Variants in KAT2A observed in about 807,000 individuals in gnomAD.
KAT2A encodes the protein lysine acetyltransferase 2A, also known as histone acetyltransferase KAT2A.
A neutral mutation model predicts 95.2 loss-of-function variants in KAT2A; 42 were observed. That is an observed-to-expected ratio of 0.44 (90% CI 0.34 to 0.57). The LOEUF is 0.57. Among genes scored for constraint, KAT2A ranks in the 20% least tolerant of loss-of-function variants. The pLI, the probability that KAT2A is intolerant of heterozygous loss-of-function variation, is 0.01. For synonymous variants in KAT2A, 449 were observed against 448.2 expected, an observed-to-expected ratio of 1.00 and a Z score of -0.02; for missense variants, 784 against 1,126.3, an observed-to-expected ratio of 0.70 and a Z score of 4.35.
At chr17:42,116,017 C>T (rs1259219380) in intron 11 of KAT2A, among the ~76,000 whole-genome samples, 184 bp from the exon 12 acceptor site, 3 of 152,162 alleles carry the variant, frequency 2.0e-5, no homozygotes, top group South Asian at 2.1e-4. Context: ...GTGAAGGGTG[C>T]GGGCTTTCTA....
Position 42,119,711 on chromosome 17 carries a change from A to C in KAT2A, c.707T>G (p.Leu236Arg). The change falls in exon 5 of 18, where the codon CTG becomes CGG. Residue 236 changes from leucine to arginine, a missense_variant. Transcript: ENST00000225916. This position sits in a 1 kb window ranked among gnomAD's most constrained non-coding sequence, Gnocchi z 5.3. ...ACTAAACTTGTACTGCACAAAGTTC[A>C]GCACACCCTGAGAAGGGGTGGGTGG... ...FEKPNIEQGV[L>R]NFVQYKFSHL... 1 of 1,604,110 alleles carries C rather than the reference A, an allele frequency of 6.2e-7. No homozygotes were observed. Among genetic ancestry groups the C allele is most frequent in the Non-Finnish European group, 8.5e-7 (1 of 1,174,668 alleles).
chr17:42,117,646 C>A lies in KAT2A; in HGVS notation c.1428+32G>T, dbSNP rs781829541. On this transcript the variant is annotated intron_variant, in intron 9 of 17. Coordinates refer to ENST00000225916, the MANE Select transcript of KAT2A (RefSeq NM_021078.3). This position sits in a 1 kb window ranked among gnomAD's most constrained non-coding sequence, Gnocchi z 8.9. ...GCCGGGGTCTCAGGTTGGTGGGGGT[C>A]CCCCAACTGGTCAGCAGGTCGGGCT... is the stretch of plus-strand genomic sequence containing the variant. 5 of 1,605,398 alleles carry A rather than the reference C, an allele frequency of 3.1e-6. No homozygotes were observed. Among genetic ancestry groups the A allele is most frequent in the South Asian group, 1.1e-5 (1 of 90,518 alleles).
chr17:42,121,226 T>C lies in KAT2A; in HGVS notation c.79A>G (p.Thr27Ala), dbSNP rs907320499. The C allele has an allele frequency of 1.3e-5, 17 of 1,346,856 alleles. No homozygotes were observed. The highest frequency in any genetic ancestry group is 1.7e-5 in the Non-Finnish European group (17 of 1,022,842). 83.4% of individuals were successfully genotyped at this position (1,346,856 alleles called of 1,614,324 possible). A position where few individuals can be genotyped will look rare whatever the true frequency, so the allele number is the denominator to read the frequency against. ...GCCGGGCTGGGTGCAGGAGTCGGAG[T>C]TGGGGCAGGGGCTGGGGACTGAAGG... ...RPLQSPAPAP[T>A]PTPAPSPASA... Residue 27 changes from threonine (T) to alanine (A), a missense_variant, in exon 1 of 18, where the codon ACT becomes GCT. By Grantham distance (58) the Thr-to-Ala change is moderately conservative (BLOSUM62 0). Transcript: ENST00000225916.
In KAT2A at chr17:42,119,839, C is replaced by T. The variant is rs1261498147; in HGVS notation, c.700-121G>A. ...AAGGTTCTCCTTCTCCTCTCTCTCT[C>T]GGGTGCTCTCTATAGAAAAGCTCTG... is the stretch of plus-strand genomic sequence containing the variant. On this transcript the variant is annotated intron_variant, in intron 4 of 17. Coordinates refer to ENST00000225916, the MANE Select transcript of KAT2A (RefSeq NM_021078.3). The surrounding 1 kb of genome is among the most constrained non-coding windows in gnomAD (Gnocchi z 5.3). The T allele has an allele frequency of 1.1e-5, 11 of 1,006,124 alleles. No homozygotes were observed. Among genetic ancestry groups the T allele is most frequent in the Admixed American group, 7.9e-5 (3 of 37,886 alleles). The allele number at this position is 1,006,124 out of a possible 1,614,324, so 62.3% of individuals were successfully genotyped here. A position where few individuals can be genotyped will look rare whatever the true frequency, so the allele number is the denominator to read the frequency against.
In KAT2A at chr17:42,120,574, A is replaced by AC. The variant is rs113316904; in HGVS notation, c.463+131dup. The AC allele has an allele frequency of 1.1e-3, 1,047 of 912,748 alleles. 2 individuals carry two copies. The highest frequency in any genetic ancestry group is 1.3e-3 in the Middle Eastern group (5 of 3,770). The allele number at this position is 912,748 out of a possible 1,614,324, so 56.5% of individuals were successfully genotyped here. On this transcript the variant is annotated intron_variant, in intron 2 of 17. Coordinates refer to ENST00000225916, the MANE Select transcript of KAT2A (RefSeq NM_021078.3). ...TTTCCTTTCTCCCCCCTTGGTGCACACCCCCCCCCAACCCAATCCCTCCTT... is the reference window on the plus strand; with the variant it reads ...TTTCCTTTCTCCCCCCTTGGTGCACACCCCCCCCCCAACCCAATCCCTCCTT...
Position 42,114,483 on chromosome 17 carries a change from T to C in KAT2A, c.2134+7A>G. On this transcript the variant is annotated splice_region_variant and intron_variant, in intron 14 of 17. Coordinates refer to ENST00000225916, the MANE Select transcript of KAT2A (RefSeq NM_021078.3). The surrounding 1 kb of genome is among the most constrained non-coding windows in gnomAD (Gnocchi z 6.0). ...CCCACTACCCTGCAACTGAGACCCCTGCTTACGAATGCCAGGAACGCTCTC... is the reference window on the plus strand; with the variant it reads ...CCCACTACCCTGCAACTGAGACCCCCGCTTACGAATGCCAGGAACGCTCTC... 1 of 1,613,922 alleles carries C rather than the reference T, an allele frequency of 6.2e-7. No individual in the cohort carries two copies. The highest frequency in any genetic ancestry group is 8.5e-7 in the Non-Finnish European group (1 of 1,179,828).
At position 42,114,352 on chromosome 17, in the gene KAT2A, A is replaced by G; in HGVS notation, c.2171+6T>C. ...CCACCCCCAACCCGGCTCCTTTGAC[A>G]CTCACCCCTTCTCCTTCCCCAATGG... is the stretch of plus-strand genomic sequence containing the variant. On this transcript the variant is annotated splice_donor_region_variant and intron_variant, in intron 15 of 17. Transcript: ENST00000225916. This position sits in a 1 kb window ranked among gnomAD's most constrained non-coding sequence, Gnocchi z 6.0. 4 of 1,613,010 alleles carry G rather than the reference A, an allele frequency of 2.5e-6. No individual in the cohort carries two copies. Among genetic ancestry groups the G allele is most frequent in the Non-Finnish European group, 3.4e-6 (4 of 1,179,704 alleles).
intron 11 of KAT2A, among the ~76,000 whole-genome samples, chr17:42,116,627 C>G (rs1428962951): frequency 6.6e-6 from 1 of 151,962 alleles, no homozygotes; most frequent in African/African-American, 2.4e-5. Flanking sequence ...CTTGGGAGGC[C>G]GAGGCAGGAG....
At chr17:42,120,424 T>C in intron 2 of KAT2A, 54 bp from the exon 3 acceptor site, 1 of 1,585,130 alleles carries the variant, frequency 6.3e-7, no homozygotes, top group Non-Finnish European at 8.7e-7. Context: ...TCAACAAGGC[T>C]TCTTGACCCT....
chr17:42,115,143 T>C, intron 12 of KAT2A, 108 bp from the exon 13 acceptor site: 1 of 1,161,294 alleles, frequency 8.6e-7, no homozygotes, highest in Non-Finnish European at 1.2e-6. Context: ...TGCCACCTCC[T>C]GCTCCTGAAC....
Position 42,114,912 on chromosome 17 carries a change from T to G in KAT2A, c.1999A>C (p.Ile667Leu), listed in dbSNP as rs2054232907. The change falls in exon 13 of 18, where the codon ATC becomes CTC. Residue 667 changes from isoleucine (I) to leucine (L), a missense_variant. Transcript: ENST00000225916. This position sits in a 1 kb window ranked among gnomAD's most constrained non-coding sequence, Gnocchi z 6.0. Reference protein sequence around the residue: ...PRIPYTELSHIIKKQKEIIKK... With the variant: ...PRIPYTELSHLIKKQKEIIKK... Reference sequence around the variant, plus strand: ...ACCACCTCTTTCTGCTTCTTGATGATGTGGGACAGCTCCGTGTAGGGGATG... The same window carrying G: ...ACCACCTCTTTCTGCTTCTTGATGAGGTGGGACAGCTCCGTGTAGGGGATG... 4.3e-6 allele frequency: 7 copies of G among 1,614,094 alleles called. No homozygotes were observed. The highest frequency in any genetic ancestry group is 5.9e-6 in the Non-Finnish European group (7 of 1,179,978).
In KAT2A at chr17:42,117,383, C is replaced by T; in HGVS notation, c.1637+5G>A. 1 of 1,612,980 alleles carries T rather than the reference C, an allele frequency of 6.2e-7. No individual in the cohort carries two copies. The highest frequency in any genetic ancestry group is 8.5e-7 in the Non-Finnish European group (1 of 1,179,554). On this transcript the variant is annotated splice_donor_5th_base_variant and intron_variant, in intron 10 of 17. Transcript: ENST00000225916. This position sits in a 1 kb window ranked among gnomAD's most constrained non-coding sequence, Gnocchi z 8.9. ...CCTGGGGGAGGGGCTCTCTGGGGGA[C>T]GCACGGGTCAAAGACGAGGCGGGCG...
Position 42,120,946 on chromosome 17 carries a change from A to AC in KAT2A, c.339+19dup. ...GGGATGCCCCAAGCCCCGCCCCTTC[A>AC]CCCCAGGCCCCGCCCCCACCTTGCA... is the stretch of plus-strand genomic sequence containing the variant. On this transcript the variant is annotated intron_variant, in intron 1 of 17. Transcript: ENST00000225916. 2.3e-5 allele frequency: 35 copies of AC among 1,497,104 alleles called. No individual in the cohort carries two copies. Among genetic ancestry groups the AC allele is most frequent in the Admixed American group, 4.7e-5 (2 of 43,010 alleles). 92.7% of individuals were successfully genotyped at this position (1,497,104 alleles called of 1,614,324 possible). A position where few individuals can be genotyped will look rare whatever the true frequency, so the allele number is the denominator to read the frequency against.
chr17:42,118,501 G>C (rs1377829219), intron 6 of KAT2A, 98 bp from the exon 7 acceptor site: 1 of 815,484 alleles, frequency 1.2e-6, no homozygotes, highest in East Asian at 2.5e-5. Context: ...GACAGACCCT[G>C]CTCTTAGGGA....
At chr17:42,115,974 G>A in intron 11 of KAT2A, 141 bp from the exon 12 acceptor site, 1 of 664,378 alleles carries the variant, frequency 1.5e-6, no homozygotes, top group Non-Finnish European at 2.8e-6. Context: ...AAGAAAGGCA[G>A]CTGACAGAGG....
chr17:42,120,149 G>C, intron 3 of KAT2A, 30 bp from the exon 4 acceptor site: 1 of 1,613,508 alleles, frequency 6.2e-7, no homozygotes, highest in Non-Finnish European at 8.5e-7. Flanking sequence ...GGCATAGAGG[G>C]GAGGGGGGCA....
rs575284698 is a variant in KAT2A at position 42,121,314 on chromosome 17, C to G, written c.-10G>C. The G allele has an allele frequency of 1.2e-5, 16 of 1,365,206 alleles. No homozygotes were observed. Among genetic ancestry groups the G allele is most frequent in the African/African-American group, 6.1e-5 (4 of 65,144 alleles). 84.6% of individuals were successfully genotyped at this position (1,365,206 alleles called of 1,614,324 possible). A position where few individuals can be genotyped will look rare whatever the true frequency, so the allele number is the denominator to read the frequency against. ...GGGAAGGTTCCGCCATGGCCTCCCC[C>G]GCAGCGGAGAGCGGCGCCGCGCTCC... On this transcript the variant is annotated 5_prime_UTR_variant, in exon 1 of 18. Coordinates refer to ENST00000225916, the MANE Select transcript of KAT2A (RefSeq NM_021078.3).
intron 11 of KAT2A, 72 bp downstream of exon 11, chr17:42,116,963 C>T (rs2054267354): frequency 6.3e-7 from 1 of 1,578,900 alleles, no homozygotes; most frequent in Non-Finnish European, 8.6e-7. Flanking sequence ...GCCACACATC[C>T]TGCTGCTCCG....
In KAT2A at chr17:42,115,804, C is replaced by T. The variant is rs781858758; in HGVS notation, c.1794G>A (p.Leu598=). The T allele has an allele frequency of 6.8e-6, 11 of 1,613,358 alleles. No homozygotes were observed. In the South Asian group the frequency reaches 1.2e-4, roughly 18 times the overall value. ...KGYGTHLMNH[L]KEYHIKHNIL... ...TGTTGTGCTTGATGTGATACTCCTTCAGGTGGTTCATCAGGTGGGTCCCAT... is the reference window on the plus strand; with the variant it reads ...TGTTGTGCTTGATGTGATACTCCTTTAGGTGGTTCATCAGGTGGGTCCCAT... The change falls in exon 12 of 18, where the codon CTG becomes CTA. Residue 598 remains leucine, a synonymous_variant. Transcript: ENST00000225916.
Sources: allele counts gnomAD v4.1 joint callset (sites outside exome capture counted in the v4.1 genomes callset), GRCh38; gene constraint gnomAD v4.1.1; non-coding constraint Gnocchi (gnomAD v3.1); transcripts MANE v1.5; gene names NCBI Gene and HGNC (gene_info 2026-07-23, HGNC 2026-07-21).